FHIT: variants seen among roughly 807,000 people sequenced by gnomAD.
The protein encoded by FHIT is fragile histidine triad diadenosine triphosphatase.
In FHIT, 19 loss-of-function variants were observed where a neutral mutation model predicts 17.9. The observed-to-expected ratio is 1.06, with a 90% CI of 0.74 to 1.56. The LOEUF (loss-of-function observed/expected upper bound fraction) is 1.56, where lower values mean the gene tolerates loss of function less well. Among genes scored for constraint, FHIT ranks in the 40% most tolerant of loss-of-function variants. The pLI, the probability that FHIT is intolerant of heterozygous loss-of-function variation, is 0.00. For synonymous variants in FHIT, 81 were observed against 69.7 expected (o/e 1.16, Z -0.81); for missense variants, 248 against 189.2 (o/e 1.31, Z -1.82).
chr3:60,606,873 C>T (rs1252199785), intron 4 of FHIT, among the ~76,000 whole-genome samples: 2 of 152,130 alleles, frequency 1.3e-5, no homozygotes, highest in Non-Finnish European at 2.9e-5. Flanking sequence ...CTGTTAACTC[C>T]CCGATATCCT....
intron 4 of FHIT, among the ~76,000 whole-genome samples, chr3:60,562,832 C>T (rs2036999244): frequency 6.6e-6 from 1 of 152,066 alleles, no homozygotes; most frequent in South Asian, 2.1e-4. Flanking sequence ...ATCAGTCATT[C>T]CTTTGTTTAT....
At chr3:60,127,016 G>A (rs1705582558) in intron 5 of FHIT, among the ~76,000 whole-genome samples, 1 of 152,132 alleles carries the variant, frequency 6.6e-6, no homozygotes, top group South Asian at 2.1e-4. Flanking sequence ...AAGGGAGAGA[G>A]CCCTTGGACA....
chr3:60,148,794 A>G (rs1047520691), intron 5 of FHIT, among the ~76,000 whole-genome samples: 6 of 152,220 alleles, frequency 3.9e-5, no homozygotes, highest in African/African-American at 1.4e-4. Flanking sequence ...TTATTTCAAT[A>G]TATTTTCATT....
chr3:60,333,522 T>G (rs1402642350), intron 5 of FHIT, among the ~76,000 whole-genome samples: 1 of 152,114 alleles, frequency 6.6e-6, no homozygotes, highest in Non-Finnish European at 1.5e-5. Context: ...AAAAACTTCT[T>G]TATTTGTTGT....
chr3:59,881,325 A>T (rs936354830), intron 8 of FHIT, among the ~76,000 whole-genome samples: 2 of 152,172 alleles, frequency 1.3e-5, no homozygotes, highest in African/African-American at 4.8e-5. Flanking sequence ...TTTTTTAAAC[A>T]TATTTGATTA....
intron 8 of FHIT, among the ~76,000 whole-genome samples, chr3:59,766,414 T>G (rs761171956): frequency 3.3e-5 from 5 of 152,222 alleles, no homozygotes; most frequent in Admixed American, 6.5e-5. Flanking sequence ...ATTCCAGATG[T>G]CTGAAACTGA....
chr3:60,204,991 G>T (rs932923274), intron 5 of FHIT, among the ~76,000 whole-genome samples: 6 of 151,934 alleles, frequency 3.9e-5, no homozygotes, highest in African/African-American at 1.5e-4. Context: ...AGCTACTCAG[G>T]AGGCTGAGGT....
intron 5 of FHIT, among the ~76,000 whole-genome samples, chr3:60,111,835 C>T (rs1704684727): frequency 6.6e-6 from 1 of 152,180 alleles, no homozygotes; most frequent in African/African-American, 2.4e-5. Flanking sequence ...CAGCCAAGGC[C>T]TCCCAGGCAT....
chr3:60,876,766 T>C (rs1411393004), intron 3 of FHIT, among the ~76,000 whole-genome samples: 2 of 152,128 alleles, frequency 1.3e-5, no homozygotes, highest in Non-Finnish European at 2.9e-5. Context: ...ACTCATCCCT[T>C]CCACAGTGAC....
chr3:60,079,041 C>T (rs902285584), intron 5 of FHIT, among the ~76,000 whole-genome samples: 1 of 152,096 alleles, frequency 6.6e-6, no homozygotes, highest in African/African-American at 2.4e-5. Context: ...TCGGCTCCCC[C>T]TTTGCAAAAT....
chr3:60,924,885 C>G (rs145920879), intron 3 of FHIT, among the ~76,000 whole-genome samples: 1 of 152,148 alleles, frequency 6.6e-6, no homozygotes, highest in Non-Finnish European at 1.5e-5. Flanking sequence ...GAGCTGAAAA[C>G]CACGGCACCA....
At chr3:60,980,718 G>C (rs113036157) in intron 3 of FHIT, among the ~76,000 whole-genome samples, 22 of 152,272 alleles carry the variant, frequency 1.4e-4, no homozygotes, top group Admixed American at 5.2e-4. Context: ...AGGAAAATGG[G>C]AGAAATCTAA....
Position 59,859,407 on chromosome 3 carries a change from A to T in FHIT, c.348+62939T>A, listed in dbSNP as rs368426801. On this transcript the variant is annotated intron_variant, in intron 8 of 9. Transcript: ENST00000492590. Reference sequence around the variant, plus strand: ...ATACTCTTTAAGGCAGGAAAACACGAGACAGGGAAAGAATAAAAATCCATT... The same window carrying T: ...ATACTCTTTAAGGCAGGAAAACACGTGACAGGGAAAGAATAAAAATCCATT... Among the ~76,000 whole-genome samples, 9 of 152,354 alleles carry T rather than the reference A, an allele frequency of 5.9e-5. No homozygotes were observed. The South Asian group carries it at 1.9e-3, about 32-fold the overall frequency.
intron 5 of FHIT, among the ~76,000 whole-genome samples, chr3:60,511,837 G>C (rs2034962032): frequency 6.6e-6 from 1 of 152,094 alleles, no homozygotes; most frequent in Non-Finnish European, 1.5e-5. Flanking sequence ...TATCTCAAAA[G>C]GGCAGAGACA....
At chr3:60,411,553 A>G (rs1342186679) in intron 5 of FHIT, among the ~76,000 whole-genome samples, 1 of 152,152 alleles carries the variant, frequency 6.6e-6, no homozygotes, top group Non-Finnish European at 1.5e-5. Context: ...TACTGGCAAT[A>G]TATTGGCTGA....
rs146318883 is a variant in FHIT at position 60,575,699 on chromosome 3, G to A, written c.-17-38720C>T. Among the ~76,000 whole-genome samples, 4 of 152,184 alleles carry A rather than the reference G, an allele frequency of 2.6e-5. No individual in the cohort carries two copies. In the East Asian group the frequency reaches 7.7e-4, roughly 29 times the overall value. ...CATAAGTTCCAGTTCTTGGAGAGATGCAAGAACATACTGCTCCTATAAGTT... is the reference window on the plus strand; with the variant it reads ...CATAAGTTCCAGTTCTTGGAGAGATACAAGAACATACTGCTCCTATAAGTT... On this transcript the variant is annotated intron_variant, in intron 4 of 9. Transcript: ENST00000492590.
At chr3:60,127,785 T>C (rs1286603067) in intron 5 of FHIT, among the ~76,000 whole-genome samples, 3 of 152,026 alleles carry the variant, frequency 2.0e-5, no homozygotes, top group African/African-American at 7.2e-5. Context: ...TTTGTATATA[T>C]CCATGGCAGC....
chr3:60,051,585 C>G (rs922860083), intron 5 of FHIT, among the ~76,000 whole-genome samples: 1 of 152,272 alleles, frequency 6.6e-6, no homozygotes, highest in Non-Finnish European at 1.5e-5. Context: ...TAGATTCTAC[C>G]TGAACCCCTC....
chr3:60,858,754 G>A (rs534919533), intron 3 of FHIT, among the ~76,000 whole-genome samples: 4 of 152,276 alleles, frequency 2.6e-5, no homozygotes, highest in Non-Finnish European at 5.9e-5. Context: ...GAAGGTCCCA[G>A]TTTCTTGAAA....
Sources: gnomAD v4.1 joint callset for allele counts (sites outside exome capture counted in the v4.1 genomes callset) on GRCh38, gnomAD v4.1.1 for gene constraint, MANE v1.5 for transcripts, NCBI Gene and HGNC (gene_info 2026-07-23, HGNC 2026-07-21) for gene names.